PKD1L1: variants seen among roughly 807,000 people sequenced by gnomAD.
PKD1L1 encodes polycystin-1-like protein 1.
Under a neutral mutation model 323.4 loss-of-function variants are expected in PKD1L1, and 236 were observed. That is an observed-to-expected ratio of 0.73 (90% CI 0.66 to 0.81). The LOEUF is 0.81. PKD1L1 is among the 40% of genes least tolerant of loss of function. The probability of loss-of-function intolerance (pLI) is 0.00; values close to 1 mark genes in which losing one functional copy is unlikely to be tolerated. For missense variants in PKD1L1, 3,320 were observed against 3,508.0 expected (o/e 0.95, Z 1.35); for synonymous variants, 1,344 against 1,335.0 (o/e 1.01, Z -0.15).
intron 56 of PKD1L1, among the ~76,000 whole-genome samples, chr7:47,778,796 C>T (rs898940630): frequency 6.6e-6 from 1 of 152,212 alleles, no homozygotes; most frequent in Non-Finnish European, 1.5e-5. Flanking sequence ...ACCCAGCATG[C>T]TGAGGAACAG....
intron 30 of PKD1L1, among the ~76,000 whole-genome samples, chr7:47,854,602 A>G (rs1228551112): frequency 3.9e-5 from 6 of 152,240 alleles, no homozygotes; most frequent in Admixed American, 3.9e-4. Flanking sequence ...GCTCAGACCT[A>G]TACTGAAAGA....
At chr7:47,802,094 G>A (rs758121625) in intron 53 of PKD1L1, among the ~76,000 whole-genome samples, 7 of 151,580 alleles carry the variant, frequency 4.6e-5, no homozygotes, top group Non-Finnish European at 8.8e-5. Context: ...GGGAGGCTGA[G>A]GCAGAAGAAT....
At chr7:47,805,337 T>C (rs1784755050) in intron 52 of PKD1L1, among the ~76,000 whole-genome samples, 1 of 152,212 alleles carries the variant, frequency 6.6e-6, no homozygotes, top group South Asian at 2.1e-4. Context: ...AGAAAGTCAT[T>C]TGTGTTTATC....
At position 47,834,243 on chromosome 7, in the gene PKD1L1, C is replaced by T. The variant is rs1305260458; in HGVS notation, c.6174+96G>A. 2.4e-6 allele frequency: 3 copies of T among 1,263,614 alleles called. No individual in the cohort carries two copies. The African/African-American group carries it at 4.5e-5, about 19-fold the overall frequency. 78.3% of individuals were successfully genotyped at this position (1,263,614 alleles called of 1,614,324 possible). A position where few individuals can be genotyped will look rare whatever the true frequency, so the allele number is the denominator to read the frequency against. Reference sequence around the variant, plus strand: ...CGTCTCACCTTGAGCCTGACCCATCCATGGCCAGACCATAGCCAAGGGAGG... The same window carrying T: ...CGTCTCACCTTGAGCCTGACCCATCTATGGCCAGACCATAGCCAAGGGAGG... On this transcript the variant is annotated intron_variant, in intron 40 of 56. Transcript: ENST00000289672.
intron 13 of PKD1L1, among the ~76,000 whole-genome samples, chr7:47,899,989 G>T (rs1787050867): frequency 6.7e-6 from 1 of 148,838 alleles, no homozygotes; most frequent in African/African-American, 2.5e-5. Context: ...GAAAAACCTG[G>T]AGGCAGCTGA....
chr7:47,845,030 G>A lies in PKD1L1; in HGVS notation c.5202C>T (p.Ala1734=). The A allele has an allele frequency of 3.1e-6, 5 of 1,613,920 alleles. No homozygotes were observed. The highest frequency in any genetic ancestry group is 4.2e-6 in the Non-Finnish European group (5 of 1,179,954). ...AFALLRRKLK[A]SFEVSDISKL... ...TGGAAATGTCACTCACTTCAAAACT[G>A]GCCTTCAGCTTTCTCCTTAGGAGAG... is the stretch of plus-strand genomic sequence containing the variant. The change falls in exon 33 of 57, where the codon GCC becomes GCT. Residue 1734 remains alanine, a synonymous_variant. Coordinates refer to ENST00000289672, the MANE Select transcript of PKD1L1 (RefSeq NM_138295.5).
rs1447581946 is a variant in PKD1L1, at chr7:47,904,407, C to T, written c.1902G>A (p.Gly634=). 1.9e-6 allele frequency: 3 copies of T among 1,614,108 alleles called. No individual in the cohort carries two copies. Among genetic ancestry groups the T allele is most frequent in the Non-Finnish European group, 8.5e-7 (1 of 1,180,022 alleles). The change falls in exon 12 of 57, where the codon GGG becomes GGA. Residue 634 remains glycine (G), a synonymous_variant. Transcript: ENST00000289672. ...WDFGDGTVSL[G]SSSSSHVYSR... Reference sequence around the variant, plus strand: ...TGTAGACATGGCTGCTGGAGCTGCTCCCCAGGCTGACGGTGCCATCCCCAA... The same window carrying T: ...TGTAGACATGGCTGCTGGAGCTGCTTCCCAGGCTGACGGTGCCATCCCCAA...
intron 56 of PKD1L1, among the ~76,000 whole-genome samples, chr7:47,791,305 CAA>C (rs1178371319): frequency 6.6e-6 from 1 of 152,148 alleles, no homozygotes; most frequent in Non-Finnish European, 1.5e-5. Flanking sequence ...AGAATTTTCC[CAA>C]ATATGTCATC....
intron 15 of PKD1L1, among the ~76,000 whole-genome samples, chr7:47,893,194 C>A (rs1183288574): frequency 1.4e-5 from 2 of 139,512 alleles, no homozygotes; most frequent in Non-Finnish European, 3.0e-5. Context: ...CGAGCCACTG[C>A]ACTCCAGTCT....
At chr7:47,955,933 A>T in the PKD1L1 span, among the ~76,000 whole-genome samples, 1 of 152,216 alleles carries the variant, frequency 6.6e-6, no homozygotes, top group Non-Finnish European at 1.5e-5. Context: ...AAGAAGCTCT[A>T]AAAATCCAAA....
intron 8 of PKD1L1, among the ~76,000 whole-genome samples, chr7:47,914,496 G>A (rs1238480707): frequency 1.3e-5 from 2 of 152,170 alleles, no homozygotes; most frequent in African/African-American, 4.8e-5. Flanking sequence ...GTCTTCATAG[G>A]CAAGGCAGGG....
chr7:47,909,881 T>C (rs1787281331), intron 8 of PKD1L1, among the ~76,000 whole-genome samples: 1 of 152,300 alleles, frequency 6.6e-6, no homozygotes. Context: ...CATGGTAGCA[T>C]GCAGGAGGAT....
intron 28 of PKD1L1, among the ~76,000 whole-genome samples, chr7:47,857,007 TGCCAAGTG>T (rs1211589999): frequency 6.6e-6 from 1 of 152,174 alleles, no homozygotes; most frequent in Non-Finnish European, 1.5e-5. Flanking sequence ...TCTACAAAAC[TGCCAAGTG>T]GCTGGGACAA....
chr7:47,859,005 T>C lies in PKD1L1; in HGVS notation c.4150-120A>G, dbSNP rs1019502318. ...GCTGCATGAACAGAAAAGATGTAAATAAAGTGCCTCATGGCATATGATGCA... is the reference window on the plus strand; with the variant it reads ...GCTGCATGAACAGAAAAGATGTAAACAAAGTGCCTCATGGCATATGATGCA... On this transcript the variant is annotated intron_variant, in intron 26 of 56. Transcript: ENST00000289672. 3.1e-6 allele frequency: 4 copies of C among 1,301,170 alleles called. No individual in the cohort carries two copies. The Admixed American group carries it at 9.0e-5, about 29-fold the overall frequency. 80.6% of individuals were successfully genotyped at this position (1,301,170 alleles called of 1,614,324 possible).
intron 47 of PKD1L1, among the ~76,000 whole-genome samples, chr7:47,814,803 C>T (rs1244738632): frequency 2.0e-5 from 3 of 152,166 alleles, no homozygotes; most frequent in Admixed American, 6.5e-5. Context: ...TGAGCCACCG[C>T]GCCCAGGATA....
At position 47,888,084 on chromosome 7, in the gene PKD1L1, AAG is replaced by A. The variant is rs766993216; in HGVS notation, c.2740_2741del (p.Leu914SerfsTer5). The A allele has an allele frequency of 6.2e-6, 10 of 1,613,946 alleles. No individual in the cohort carries two copies. The Admixed American group carries it at 1.3e-4, about 22-fold the overall frequency. On this transcript the variant is annotated frameshift_variant, in exon 17 of 57. Transcript: ENST00000289672. LOFTEE classifies it high-confidence loss of function. ...CACTGCAGTCCTCACACATAGCTTG[AAG>A]AGAGAGTTCGTCATTCCAGTTGACG... ...TFVNWNDELS[L>X]QAMCEDCSEI...
Position 47,834,377 on chromosome 7 carries a change from A to T in PKD1L1, c.6136T>A (p.Ser2046Thr), listed in dbSNP as rs767504896. The T allele has an allele frequency of 6.2e-7, 1 of 1,613,880 alleles. No individual in the cohort carries two copies. The highest frequency in any genetic ancestry group is 1.7e-5 in the Admixed American group (1 of 60,026). The change falls in exon 40 of 57, where the codon TCC becomes ACC. Residue 2046 changes from serine (S) to threonine (T), a missense_variant. Transcript: ENST00000289672. ...TGTGCGTCTGGTATCCTTCCCCAGG[A>T]ATTAGGACCTGATTCAAAAAAATAA... ...AQTEAPHGPN[S>T]WGRIPDAQEP...
At chr7:47,798,981 A>T (rs1235040060) in intron 54 of PKD1L1, among the ~76,000 whole-genome samples, 2 of 152,222 alleles carry the variant, frequency 1.3e-5, no homozygotes, top group East Asian at 3.8e-4. Context: ...AGATTTACAA[A>T]TCACATATCC....
chr7:47,813,713 C>G (rs1286276398), intron 48 of PKD1L1: 1 of 636,322 alleles, frequency 1.6e-6, no homozygotes, highest in Admixed American at 2.5e-5. Flanking sequence ...AAACCTGCAG[C>G]AGAACGTCAA....
Sources: allele counts gnomAD v4.1 joint callset (sites outside exome capture counted in the v4.1 genomes callset), GRCh38; gene constraint gnomAD v4.1.1; transcripts MANE v1.5; gene names NCBI Gene and HGNC (gene_info 2026-07-23, HGNC 2026-07-21).